PARG: variants seen among roughly 807,000 people sequenced by gnomAD.
PARG encodes poly(ADP-ribose) glycohydrolase, also known as mitochondrial poly(ADP-ribose) glycohydrolase.
A neutral mutation model predicts 113.0 loss-of-function variants in PARG; 35 were observed. That is an observed-to-expected ratio of 0.31 (90% CI 0.24 to 0.41). PARG has a LOEUF of 0.41. Among genes scored for constraint, PARG ranks in the 10% least tolerant of loss-of-function variants. PARG has a pLI of 1.00. For missense variants in PARG, 797 were observed against 1,169.4 expected, an observed-to-expected ratio of 0.68 and a Z score of 4.64; for synonymous variants, 330 against 409.9, an observed-to-expected ratio of 0.81 and a Z score of 2.36.
intron 7 of PARG, among the ~76,000 whole-genome samples, chr10:49,891,916 T>C (rs546126785): frequency 6.6e-6 from 1 of 151,560 alleles, no homozygotes; most frequent in East Asian, 2.0e-4. Context: ...CATGAGCCTG[T>C]AATACTGAAG....
chr10:49,829,901 C>A (rs1844571610), intron 16 of PARG, among the ~76,000 whole-genome samples: 1 of 152,072 alleles, frequency 6.6e-6, no homozygotes, highest in Admixed American at 6.5e-5. Context: ...TATTTTATTG[C>A]ATAAATGTAC....
chr10:49,890,517 C>G (rs1439054279), intron 7 of PARG, among the ~76,000 whole-genome samples: 1 of 152,114 alleles, frequency 6.6e-6, no homozygotes, highest in Non-Finnish European at 1.5e-5. Flanking sequence ...AGTTAACAGA[C>G]GTGGTCACTG....
chr10:49,852,027 C>T (rs1354519010), intron 13 of PARG, among the ~76,000 whole-genome samples: 1 of 151,992 alleles, frequency 6.6e-6, no homozygotes, highest in East Asian at 1.9e-4. Context: ...ATTTCTCAAA[C>T]TCTTCTACAG....
intron 7 of PARG, among the ~76,000 whole-genome samples, chr10:49,899,724 G>T (rs1324151977): frequency 1.3e-5 from 2 of 151,562 alleles, no homozygotes; most frequent in African/African-American, 2.4e-5. Flanking sequence ...GAGTCCAGGG[G>T]TCAGCTGTGG....
chr10:49,888,268 C>A (rs1158802674), intron 7 of PARG, among the ~76,000 whole-genome samples: 2 of 151,588 alleles, frequency 1.3e-5, no homozygotes, highest in Non-Finnish European at 3.0e-5. Flanking sequence ...TTACAACACT[C>A]AAAAAAGTTT....
intron 6 of PARG, among the ~76,000 whole-genome samples, chr10:49,920,993 C>T (rs1252610848): frequency 6.6e-6 from 1 of 152,132 alleles, no homozygotes; most frequent in African/African-American, 2.4e-5. Context: ...AGAGAGCAGA[C>T]TGCTCTCAGC....
rs141431517 is a variant in PARG at position 49,825,857 on chromosome 10, T to C, written c.2648-5564A>G. Among the ~76,000 whole-genome samples, 5 of 152,310 alleles carry C rather than the reference T, an allele frequency of 3.3e-5. No homozygotes were observed. In the East Asian group the frequency reaches 9.6e-4, roughly 29 times the overall value. ...TAGTTAAAAAAATTCCTAAAGCCAT[T>C]TTCCAAGTCCACTAACTCAGCAGTA... On this transcript the variant is annotated intron_variant, in intron 16 of 17. Transcript: ENST00000616448.
In PARG at chr10:49,922,683, T is replaced by C; in HGVS notation, c.1456-14A>G. The C allele has an allele frequency of 6.6e-7, 1 of 1,523,460 alleles. No homozygotes were observed. The highest frequency in any genetic ancestry group is 8.9e-7 in the Non-Finnish European group (1 of 1,121,536). 94.4% of individuals were successfully genotyped at this position (1,523,460 alleles called of 1,614,324 possible). ...CAAAAGATCTACCTGAAATTGAGGG[T>C]AAACAAAATTGTCAGTGCATAAAAA... On this transcript the variant is annotated splice_polypyrimidine_tract_variant and intron_variant, in intron 4 of 17. Coordinates refer to ENST00000616448, the MANE Select transcript of PARG (RefSeq NM_003631.5).
intron 16 of PARG, among the ~76,000 whole-genome samples, chr10:49,826,720 C>G (rs1391270297): frequency 3.3e-5 from 5 of 152,180 alleles, no homozygotes; most frequent in African/African-American, 1.2e-4. Flanking sequence ...TGATCCCTGG[C>G]TATGACAATT....
At chr10:49,920,049 T>C (rs1837710877) in intron 6 of PARG, among the ~76,000 whole-genome samples, 1 of 152,148 alleles carries the variant, frequency 6.6e-6, no homozygotes, top group African/African-American at 2.4e-5. Context: ...ACAAATTGTT[T>C]TCACTGTGAT....
chr10:49,905,749 G>A (rs1588970111), intron 7 of PARG, among the ~76,000 whole-genome samples: 1 of 151,428 alleles, frequency 6.6e-6, no homozygotes, highest in East Asian at 1.9e-4. Context: ...GAACGCAGTG[G>A]AGACTCAAAA....
intron 2 of PARG, 145 bp from the exon 3 acceptor site, chr10:49,934,308 A>C: frequency 1.7e-6 from 1 of 604,826 alleles, no homozygotes; most frequent in South Asian, 2.0e-5. Context: ...ATGTCTTTGT[A>C]TGTGATCCCT....
Position 49,869,494 on chromosome 10 carries a change from T to G in PARG, c.2050A>C (p.Arg684=), listed in dbSNP as rs575333029. Residue 684 remains arginine (R), a synonymous_variant, in exon 10 of 18, where the codon AGA becomes CGA. Transcript: ENST00000616448. ...EKLKTLFCYF[R]RVTEKKPTGL... Reference sequence around the variant, plus strand: ...AATTTACTTTTCTCTGTGACTCTTCTAAAGTAGCAGAAGAGCGTTTTAAGT... The same window carrying G: ...AATTTACTTTTCTCTGTGACTCTTCGAAAGTAGCAGAAGAGCGTTTTAAGT... 4.7e-5 allele frequency: 43 copies of G among 906,182 alleles called. No individual in the cohort carries two copies. Among genetic ancestry groups the G allele is most frequent in the Admixed American group, 4.2e-4 (21 of 50,206 alleles). 56.1% of individuals were successfully genotyped at this position (906,182 alleles called of 1,614,324 possible). A position where few individuals can be genotyped will look rare whatever the true frequency, so the allele number is the denominator to read the frequency against.
At chr10:49,829,433 G>C (rs1156920072) in intron 16 of PARG, among the ~76,000 whole-genome samples, 2 of 152,054 alleles carry the variant, frequency 1.3e-5, no homozygotes, top group Non-Finnish European at 2.9e-5. Context: ...AGAAATACAA[G>C]TTTAAGGATT....
intron 16 of PARG, among the ~76,000 whole-genome samples, chr10:49,823,316 TAGGA>T (rs1554828987): frequency 6.6e-6 from 1 of 152,120 alleles, no homozygotes; most frequent in East Asian, 1.9e-4. Flanking sequence ...AAAAATTACA[TAGGA>T]AGAAAAAATT....
In PARG at chr10:49,933,607, A is replaced by C; in HGVS notation, c.841T>G (p.Leu281Val). ...CCTAGGCAACTTTCTTGTCTAGTCA[A>C]TTTGTTGTCATTTTTTGGCCCAGTA... is the stretch of plus-strand genomic sequence containing the variant. ...VGTGPKNDNKLTRQESCLGNS... is the reference protein window; with the variant it reads ...VGTGPKNDNKVTRQESCLGNS... Residue 281 changes from leucine (L) to valine (V), a missense_variant, in exon 3 of 18, where the codon TTG (leucine) becomes GTG (valine). Leu to Val is a conservative substitution (Grantham distance 32). Coordinates refer to ENST00000616448, the MANE Select transcript of PARG (RefSeq NM_003631.5). 6.2e-7 allele frequency: 1 copy of C among 1,610,928 alleles called. No homozygotes were observed.
At chr10:49,819,524 C>T (rs1843962544) in intron 17 of PARG, 30 bp from the exon 18 acceptor site, 8 of 1,521,882 alleles carry the variant, frequency 5.3e-6, no homozygotes, top group African/African-American at 4.2e-5. Context: ...ACCAGAGGCA[C>T]ATTAAAGTAT....
intron 7 of PARG, among the ~76,000 whole-genome samples, chr10:49,894,706 G>A (rs1352076380): frequency 4.6e-5 from 7 of 152,076 alleles, no homozygotes; most frequent in African/African-American, 1.4e-4. Flanking sequence ...TCTGTTTCTG[G>A]GTTTACTACT....
chr10:49,852,168 G>A (rs1375630944), intron 13 of PARG, among the ~76,000 whole-genome samples: 1 of 152,160 alleles, frequency 6.6e-6, no homozygotes, highest in Admixed American at 6.5e-5. Flanking sequence ...CAGAAATCCA[G>A]ACATCAAATA....
Sources: allele counts gnomAD v4.1 joint callset (sites outside exome capture counted in the v4.1 genomes callset), GRCh38; gene constraint gnomAD v4.1.1; transcripts MANE v1.5; gene names NCBI Gene and HGNC (gene_info 2026-07-23, HGNC 2026-07-21).